Variants in WWTR1 observed in about 807,000 individuals in gnomAD.
WWTR1 encodes WW domain containing transcription regulator 1.
In WWTR1, 13 loss-of-function variants were observed where a neutral mutation model predicts 40.1. The ratio of observed to expected loss-of-function variants is 0.32; its 90% CI spans 0.21 to 0.52. WWTR1 has a LOEUF of 0.52. Ranked by LOEUF, WWTR1 falls within the 20% of genes least tolerant of loss-of-function variation. WWTR1 has a pLI of 0.97. For missense variants in WWTR1, 436 were observed against 523.1 expected (o/e 0.83, Z 1.63); for synonymous variants, 230 against 210.1 (o/e 1.09, Z -0.82).
chr3:149,608,356 T>C (rs1008519493), intron 2 of WWTR1, among the ~76,000 whole-genome samples: 3 of 152,024 alleles, frequency 2.0e-5, no homozygotes, highest in African/African-American at 7.2e-5. Flanking sequence ...CCTGCACAGT[T>C]AGCACATATT....
At chr3:149,675,445 TGAA>T (rs1714229963) in intron 1 of WWTR1, among the ~76,000 whole-genome samples, 1 of 152,142 alleles carries the variant, frequency 6.6e-6, no homozygotes, top group African/African-American at 2.4e-5. Flanking sequence ...GGCCTGAAGA[TGAA>T]GATGAGTGAA....
At chr3:149,524,867 C>T (rs1560043255) in intron 6 of WWTR1, among the ~76,000 whole-genome samples, 1 of 152,148 alleles carries the variant, frequency 6.6e-6, no homozygotes, top group Non-Finnish European at 1.5e-5. Context: ...AAAACAATTA[C>T]TTTCGTCAAT....
At chr3:149,580,391 C>T (rs1007046424) in intron 2 of WWTR1, among the ~76,000 whole-genome samples, 3 of 152,112 alleles carry the variant, frequency 2.0e-5, no homozygotes, top group African/African-American at 7.2e-5. Context: ...TCTGCTGTCA[C>T]CTAAAACCAC....
intron 4 of WWTR1, among the ~76,000 whole-genome samples, chr3:149,723,893 A>G (rs985175590): frequency 6.6e-6 from 1 of 152,148 alleles, no homozygotes; most frequent in Non-Finnish European, 1.5e-5. Flanking sequence ...CTTTTCAGCT[A>G]CCCTAGCTCC....
At chr3:149,536,649 G>A (rs1266894425) in intron 4 of WWTR1, among the ~76,000 whole-genome samples, 4 of 151,868 alleles carry the variant, frequency 2.6e-5, no homozygotes, top group South Asian at 2.1e-4. Context: ...AAAGAATTCC[G>A]AGGCCTCCCT....
At chr3:149,717,983 T>G (rs1251719675) in intron 4 of WWTR1, among the ~76,000 whole-genome samples, 2 of 152,160 alleles carry the variant, frequency 1.3e-5, no homozygotes, top group Admixed American at 6.5e-5. Flanking sequence ...AATGATCATA[T>G]CATCAAGGCT....
At chr3:149,601,439 C>A (rs534559913) in intron 2 of WWTR1, among the ~76,000 whole-genome samples, 1 of 152,172 alleles carries the variant, frequency 6.6e-6, no homozygotes, top group African/African-American at 2.4e-5. Flanking sequence ...CTCAAGTGAT[C>A]CACCTGCCTC....
intron 4 of WWTR1, among the ~76,000 whole-genome samples, chr3:149,532,815 T>G (rs1047327051): frequency 6.6e-6 from 1 of 152,160 alleles, no homozygotes; most frequent in Non-Finnish European, 1.5e-5. Flanking sequence ...AAGGCAAACG[T>G]CTGACTTAGA....
chr3:149,723,819 T>C (rs1000032549), intron 4 of WWTR1, among the ~76,000 whole-genome samples: 3 of 152,198 alleles, frequency 2.0e-5, no homozygotes, highest in Non-Finnish European at 4.4e-5. Context: ...TCTTTGCACC[T>C]TTGTGATGAG....
chr3:149,603,736 T>C (rs1220407063), intron 2 of WWTR1, among the ~76,000 whole-genome samples: 1 of 152,082 alleles, frequency 6.6e-6, no homozygotes, highest in Non-Finnish European at 1.5e-5. Context: ...ACAGTTTTCT[T>C]TGTTCATGTC....
chr3:149,635,065 GA>G (rs112457036), intron 2 of WWTR1, among the ~76,000 whole-genome samples: 6 of 152,320 alleles, frequency 3.9e-5, no homozygotes, highest in African/African-American at 1.4e-4. Flanking sequence ...TGTATAATCA[GA>G]AATCAGCAGA....
In WWTR1 at chr3:149,585,121, C is replaced by CGTGTGTGTGTGTGTGTGTGTGT. The variant is rs61655468; in HGVS notation, c.432-12143_432-12122dup. Among the ~76,000 whole-genome samples, 26 of 144,414 alleles carry CGTGTGTGTGTGTGTGTGTGTGT rather than the reference C, an allele frequency of 1.8e-4. No individual in the cohort carries two copies. In the East Asian group the frequency reaches 2.1e-3, roughly 12 times the overall value. The allele number at this position is 144,414 out of a possible 152,430, so 94.7% of individuals were successfully genotyped here. A position where few individuals can be genotyped will look rare whatever the true frequency, so the allele number is the denominator to read the frequency against. ...AACTACAGATATACTTGATTTCTTT[C>CGTGTGTGTGTGTGTGTGTGTGT]GTGTGTGTGTGTGTGTGTGTGTGTG... On this transcript the variant is annotated intron_variant, in intron 2 of 6. Transcript: ENST00000360632.
chr3:149,615,883 T>C (rs1057393398), intron 2 of WWTR1, among the ~76,000 whole-genome samples: 1 of 152,244 alleles, frequency 6.6e-6, no homozygotes, highest in East Asian at 1.9e-4. Context: ...TGTTTCATTG[T>C]CACTTGCAGT....
intron 1 of WWTR1, among the ~76,000 whole-genome samples, chr3:149,684,229 C>G (rs1374950341): frequency 6.6e-6 from 1 of 151,440 alleles, no homozygotes; most frequent in Non-Finnish European, 1.5e-5. Flanking sequence ...GCTATGTTGC[C>G]CAGGGTGGTC....
intron 2 of WWTR1, among the ~76,000 whole-genome samples, chr3:149,648,153 A>G (rs755207589): frequency 6.6e-6 from 1 of 152,108 alleles, no homozygotes. Context: ...GCCTTCATTC[A>G]TCTCCCTCTC....
intron 4 of WWTR1, among the ~76,000 whole-genome samples, chr3:149,720,662 C>G (rs1715732727): frequency 6.6e-6 from 1 of 151,636 alleles, no homozygotes; most frequent in African/African-American, 2.4e-5. Flanking sequence ...AAAAAAAAAC[C>G]TACTTGTTTG....
intron 2 of WWTR1, among the ~76,000 whole-genome samples, chr3:149,603,417 C>T (rs1739338752): frequency 6.6e-6 from 1 of 152,138 alleles, no homozygotes; most frequent in Non-Finnish European, 1.5e-5. Flanking sequence ...GAATTTGCAG[C>T]ATATTAACCT....
At chr3:149,633,590 C>CA (rs1711657319) in intron 2 of WWTR1, among the ~76,000 whole-genome samples, 1 of 152,112 alleles carries the variant, frequency 6.6e-6, no homozygotes, top group Admixed American at 6.5e-5. Context: ...GGTAGACCCC[C>CA]AAAGAGTTTA....
At position 149,708,993 on chromosome 3, in the gene WWTR1, A is replaced by G. The variant is rs554162324; in HGVS notation, n.585-5665T>C. On this transcript the variant is annotated intron_variant and non_coding_transcript_variant, in intron 5 of 6. Transcript: ENST00000474080. ...AATACTTATCTTTTTATTTGGTTTT[A>G]TTTATATTTATATTTATATTTTATT... is the stretch of plus-strand genomic sequence containing the variant. Among the ~76,000 whole-genome samples the G allele has an allele frequency of 3.3e-5, 5 of 151,818 alleles. No homozygotes were observed. The South Asian group carries it at 1.0e-3, about 32-fold the overall frequency.
Sources: allele counts gnomAD v4.1 joint callset (sites outside exome capture counted in the v4.1 genomes callset), GRCh38; gene constraint gnomAD v4.1.1; transcripts MANE v1.5; gene names NCBI Gene and HGNC (gene_info 2026-07-23, HGNC 2026-07-21).